GAB1: variants seen among roughly 807,000 people sequenced by gnomAD.
GAB1 encodes the protein GRB2 associated binding protein 1.
Under a neutral mutation model 66.5 loss-of-function variants are expected in GAB1, and 19 were observed. The ratio of observed to expected loss-of-function variants is 0.29; its 90% CI spans 0.20 to 0.42. The LOEUF (loss-of-function observed/expected upper bound fraction) is 0.42, where lower values mean the gene tolerates loss of function less well. GAB1 is among the 10% of genes least tolerant of loss of function. GAB1 has a pLI of 1.00. For synonymous variants in GAB1, 294 were observed against 301.4 expected (o/e 0.98, Z 0.25); for missense variants, 732 against 858.5 (o/e 0.85, Z 1.84).
At chr4:143,343,289 A>T (rs1333163596) in intron 1 of GAB1, among the ~76,000 whole-genome samples, 1 of 152,196 alleles carries the variant, frequency 6.6e-6, no homozygotes, top group East Asian at 1.9e-4. Context: ...GGGGGACATA[A>T]ATCTTCCTTG....
chr4:143,346,680 T>C (rs940034221), intron 1 of GAB1, among the ~76,000 whole-genome samples: 15 of 152,204 alleles, frequency 9.9e-5, no homozygotes, highest in Admixed American at 8.5e-4. Flanking sequence ...AAAGTTATAA[T>C]TGACCCCAAA....
intron 1 of GAB1, among the ~76,000 whole-genome samples, chr4:143,406,126 C>G (rs1285144805): frequency 1.3e-5 from 2 of 152,142 alleles, no homozygotes; most frequent in African/African-American, 4.8e-5. Context: ...AGAGCTAAAA[C>G]GAGGATAGTC....
chr4:143,467,428 G>A (rs1350609226), intron 9 of GAB1, among the ~76,000 whole-genome samples: 3 of 151,964 alleles, frequency 2.0e-5, no homozygotes, highest in African/African-American at 4.8e-5. Flanking sequence ...ATCAATTCTG[G>A]GAAAGTCTCA....
At chr4:143,452,157 T>C (rs1328223019) in intron 6 of GAB1, among the ~76,000 whole-genome samples, 3 of 152,198 alleles carry the variant, frequency 2.0e-5, no homozygotes, top group Admixed American at 6.5e-5. Context: ...TTGCCCAGGA[T>C]GGTCTCAAAC....
intron 1 of GAB1, among the ~76,000 whole-genome samples, chr4:143,409,600 A>G (rs909226614): frequency 3.3e-5 from 5 of 152,170 alleles, no homozygotes; most frequent in African/African-American, 1.2e-4. Flanking sequence ...ATGTAAAATA[A>G]TAGACTGTTC....
chr4:143,455,643 G>C (rs1483197736), intron 6 of GAB1, among the ~76,000 whole-genome samples: 2 of 152,210 alleles, frequency 1.3e-5, no homozygotes, highest in Non-Finnish European at 2.9e-5. Flanking sequence ...TGGTGTGTCA[G>C]CTCTCTGTGG....
At chr4:143,362,926 G>A (rs930116216) in intron 1 of GAB1, among the ~76,000 whole-genome samples, 2 of 152,132 alleles carry the variant, frequency 1.3e-5, no homozygotes, top group African/African-American at 4.8e-5. Flanking sequence ...TGACACATAG[G>A]CATAATACTC....
intron 6 of GAB1, among the ~76,000 whole-genome samples, chr4:143,451,874 A>C (rs189295547): frequency 6.6e-6 from 1 of 150,924 alleles, no homozygotes; most frequent in Non-Finnish European, 1.5e-5. Context: ...TCAGAGAAAC[A>C]AAACAGGTAA....
chr4:143,353,665 A>C (rs1176466904), intron 1 of GAB1, among the ~76,000 whole-genome samples: 1 of 148,648 alleles, frequency 6.7e-6, no homozygotes, highest in Non-Finnish European at 1.5e-5. Flanking sequence ...TTGGAGAGAG[A>C]TCCTGACCAA....
At chr4:143,355,612 C>T (rs1414351826) in intron 1 of GAB1, among the ~76,000 whole-genome samples, 1 of 152,094 alleles carries the variant, frequency 6.6e-6, no homozygotes, top group Non-Finnish European at 1.5e-5. Flanking sequence ...TTCAGGAAGG[C>T]GTGCGCCTCA....
At chr4:143,415,260 C>T (rs1404930231) in intron 1 of GAB1, among the ~76,000 whole-genome samples, 1 of 152,086 alleles carries the variant, frequency 6.6e-6, no homozygotes, top group Non-Finnish European at 1.5e-5. Flanking sequence ...ATCGAACATA[C>T]TGAATATATA....
intron 1 of GAB1, among the ~76,000 whole-genome samples, chr4:143,337,631 T>C (rs1217712036): frequency 6.6e-6 from 1 of 152,126 alleles, no homozygotes; most frequent in African/African-American, 2.4e-5. Flanking sequence ...CATCTGATTA[T>C]TGGGCTGATG....
In GAB1 at chr4:143,472,954, T is replaced by C. The variant is rs144588037; in HGVS notation, c.*3765T>C. 7.5e-4 allele frequency: 115 copies of C among 152,322 alleles called. No individual in the cohort carries two copies. Among genetic ancestry groups the C allele is most frequent in the African/African-American group, 2.6e-3 (106 of 41,568 alleles). 9.4% of individuals were successfully genotyped at this position (152,322 alleles called of 1,614,324 possible). A position where few individuals can be genotyped will look rare whatever the true frequency, so the allele number is the denominator to read the frequency against. ...CATCATGGACTTGATATGATAGAAATCAATTGTCAGCTTGAGAAAGTTGTT... is the reference window on the plus strand; with the variant it reads ...CATCATGGACTTGATATGATAGAAACCAATTGTCAGCTTGAGAAAGTTGTT... On this transcript the variant is annotated 3_prime_UTR_variant, in exon 10 of 10. Transcript: ENST00000262994.
intron 1 of GAB1, among the ~76,000 whole-genome samples, chr4:143,367,648 G>A (rs181169139): frequency 5.4e-5 from 8 of 146,924 alleles, no homozygotes; most frequent in Non-Finnish European, 1.0e-4. Flanking sequence ...CTGAGGGTAT[G>A]TCTTCCATGT....
At chr4:143,463,787 G>A (rs1735627462) in intron 8 of GAB1, among the ~76,000 whole-genome samples, 1 of 152,096 alleles carries the variant, frequency 6.6e-6, no homozygotes, top group African/African-American at 2.4e-5. Context: ...TAAATCAAGA[G>A]CAAATAGACT....
chr4:143,373,856 T>TCTCTCTCTCTCTATAAATAAATAA (rs1560725879), intron 1 of GAB1, among the ~76,000 whole-genome samples: 2 of 111,734 alleles, frequency 1.8e-5, no homozygotes, highest in African/African-American at 4.2e-5. Flanking sequence ...TCTCTCTCTC[T>TCTCTCTCTCTCTATAAATAAATAA]GTAAATAAAT....
intron 1 of GAB1, among the ~76,000 whole-genome samples, chr4:143,342,543 C>CTTTTTTTT (rs5862632): frequency 1.1e-4 from 7 of 62,494 alleles, no homozygotes; most frequent in African/African-American, 3.8e-4. Flanking sequence ...GTGATAGATT[C>CTTTTTTTT]TTTTTTTTTT....
chr4:143,406,664 A>T (rs1732061085), intron 1 of GAB1, among the ~76,000 whole-genome samples: 1 of 152,244 alleles, frequency 6.6e-6, no homozygotes, highest in Admixed American at 6.5e-5. Flanking sequence ...AAAGGGTGAG[A>T]TCCAGTGGAC....
At chr4:143,418,942 C>G (rs960603309) in intron 2 of GAB1, among the ~76,000 whole-genome samples, 1 of 152,176 alleles carries the variant, frequency 6.6e-6, no homozygotes, top group Non-Finnish European at 1.5e-5. Context: ...CAAACACCCA[C>G]TCTGCTCTGG....
Sources: allele counts gnomAD v4.1 joint callset (sites outside exome capture counted in the v4.1 genomes callset), GRCh38; gene constraint gnomAD v4.1.1; transcripts MANE v1.5; gene names NCBI Gene and HGNC (gene_info 2026-07-23, HGNC 2026-07-21).